Variants in JDP2 observed in about 807,000 individuals in gnomAD.
The protein encoded by JDP2 is Jun dimerization protein 2.
JDP2 carries 9 observed loss-of-function variants against 17.1 expected under a neutral mutation model. The observed-to-expected ratio is 0.53, with a 90% CI of 0.32 to 0.92. JDP2 has a LOEUF of 0.92. Ranked by LOEUF, JDP2 falls within the 40% of genes least tolerant of loss-of-function variation. The pLI is 0.04. For synonymous variants in JDP2, 107 were observed against 95.6 expected (o/e 1.12, Z -0.69); for missense variants, 179 against 220.0 (o/e 0.81, Z 1.18).
At chr14:75,447,103 A>G (rs1457419666) in intron 2 of JDP2, among the ~76,000 whole-genome samples, 2 of 152,200 alleles carry the variant, frequency 1.3e-5, no homozygotes, top group Admixed American at 1.3e-4. Flanking sequence ...AACTCTGACT[A>G]CTGATTAGAA....
intron 2 of JDP2, among the ~76,000 whole-genome samples, chr14:75,442,764 A>G (rs1397104613): frequency 6.6e-6 from 1 of 152,158 alleles, no homozygotes; most frequent in Admixed American, 6.5e-5. Context: ...ATGGAATCAG[A>G]ATATCTGAGG....
rs748407763 is a variant in JDP2 at position 75,469,455 on chromosome 14, G to A, written c.472G>A (p.Glu158Lys). The part of the protein sequence containing the change: ...TPESEGNPLL[E>K]QLEKK Reference sequence around the variant, plus strand: ...CGAGTCAGAAGGCAACCCACTGCTCGAGCAGCTCGAGAAGAAGTGACCATG... The same window carrying A: ...CGAGTCAGAAGGCAACCCACTGCTCAAGCAGCTCGAGAAGAAGTGACCATG... Residue 158 changes from glutamate to lysine, a missense_variant, in exon 4 of 4, where the codon GAG becomes AAG. Physicochemically the swap from Glu to Lys is moderately conservative, Grantham distance 56. Coordinates refer to ENST00000651602, the MANE Select transcript of JDP2 (RefSeq NM_001135048.2). The A allele has an allele frequency of 2.0e-5, 32 of 1,613,546 alleles. No individual in the cohort carries two copies. The East Asian group carries it at 3.8e-4, about 19-fold the overall frequency.
Position 75,428,442 on chromosome 14 carries a change from C to T in JDP2, c.-24+190C>T, listed in dbSNP as rs1884637903. 6.6e-6 allele frequency: 1 copy of T among 151,940 alleles called. No individual in the cohort carries two copies. Among genetic ancestry groups the T allele is most frequent in the Non-Finnish European group, 1.5e-5 (1 of 67,928 alleles). 9.4% of individuals were successfully genotyped at this position (151,940 alleles called of 1,614,324 possible). A position where few individuals can be genotyped will look rare whatever the true frequency, so the allele number is the denominator to read the frequency against. ...CCGGGCGCTGCAGCCGGGCCCCTCCCGCGAGGCGCCCGGCAGCCTGAGGCT... is the reference window on the plus strand; with the variant it reads ...CCGGGCGCTGCAGCCGGGCCCCTCCTGCGAGGCGCCCGGCAGCCTGAGGCT... On this transcript the variant is annotated intron_variant, in intron 1 of 3. Coordinates refer to ENST00000651602, the MANE Select transcript of JDP2 (RefSeq NM_001135048.2). The surrounding 1 kb of genome is among the most constrained non-coding windows in gnomAD (Gnocchi z 5.6).
chr14:75,459,771 C>T (rs1467025078), intron 2 of JDP2, among the ~76,000 whole-genome samples: 1 of 152,208 alleles, frequency 6.6e-6, no homozygotes, highest in African/African-American at 2.4e-5. Flanking sequence ...CCCAGCCCAG[C>T]TGGTCCTGGG....
chr14:75,431,167 G>C (rs1884779098), intron 1 of JDP2, among the ~76,000 whole-genome samples: 1 of 152,240 alleles, frequency 6.6e-6, no homozygotes, highest in Non-Finnish European at 1.5e-5. Flanking sequence ...TAGAAAGCTT[G>C]TCCAATGGTT....
intron 1 of JDP2, among the ~76,000 whole-genome samples, chr14:75,437,354 T>C (rs1885116294): frequency 6.6e-6 from 1 of 152,132 alleles, no homozygotes; most frequent in South Asian, 2.1e-4. Flanking sequence ...ATATGCAGAA[T>C]AGGATGTGTG....
chr14:75,453,901 T>C (rs1313943652), intron 2 of JDP2, among the ~76,000 whole-genome samples: 4 of 152,236 alleles, frequency 2.6e-5, no homozygotes, highest in Non-Finnish European at 5.9e-5. Flanking sequence ...TTTTCTTTTG[T>C]GTCCATTTTT....
At chr14:75,443,795 T>G (rs757086894) in intron 2 of JDP2, among the ~76,000 whole-genome samples, 42 of 152,216 alleles carry the variant, frequency 2.8e-4, no homozygotes, top group Non-Finnish European at 3.5e-4. Flanking sequence ...TCTATGTCCT[T>G]AGCAGAAATC....
At chr14:75,452,710 T>G (rs1282502607) in intron 2 of JDP2, among the ~76,000 whole-genome samples, 1 of 152,210 alleles carries the variant, frequency 6.6e-6, no homozygotes, top group Non-Finnish European at 1.5e-5. Flanking sequence ...CCACTGGGGC[T>G]AGTGTCCCCT....
intron 2 of JDP2, among the ~76,000 whole-genome samples, chr14:75,442,182 T>C (rs1885386523): frequency 6.6e-6 from 1 of 152,210 alleles, no homozygotes; most frequent in Non-Finnish European, 1.5e-5. Context: ...TTTTTCTTTC[T>C]TTTTTAACAA....
Position 75,469,391 on chromosome 14 carries a change from C to A in JDP2, c.408C>A (p.Arg136=), listed in dbSNP as rs774641952. The change falls in exon 4 of 4, where the codon CGC becomes CGA. Residue 136 remains arginine, a synonymous_variant. Transcript: ENST00000651602. ...QQLILMLNRH[R]PTCIVRTDSV... is the part of the protein sequence containing the mutation. ...TCATCCTGATGCTGAACCGACACCG[C>A]CCCACCTGCATCGTCCGGACCGACA... 6.2e-7 allele frequency: 1 copy of A among 1,614,144 alleles called. No individual in the cohort carries two copies. Among genetic ancestry groups the A allele is most frequent in the Non-Finnish European group, 8.5e-7 (1 of 1,180,022 alleles).
chr14:75,449,714 C>T (rs1192906802), intron 2 of JDP2, among the ~76,000 whole-genome samples: 1 of 152,170 alleles, frequency 6.6e-6, no homozygotes, highest in Non-Finnish European at 1.5e-5. Flanking sequence ...GACATCCTTC[C>T]CCAAATAGCT....
intron 2 of JDP2, among the ~76,000 whole-genome samples, chr14:75,449,465 C>T (rs1479331409): frequency 1.3e-5 from 2 of 152,216 alleles, no homozygotes; most frequent in African/African-American, 4.8e-5. Context: ...GAGTCAGTTT[C>T]AGCTGTATTA....
At position 75,428,125 on chromosome 14, in the gene JDP2, C is replaced by CCGGGCCGGGA. The variant is rs1349888040; in HGVS notation, c.-149_-140dup. The CCGGGCCGGGA allele has an allele frequency of 4.1e-5, 6 of 146,448 alleles. No homozygotes were observed. The highest frequency in any genetic ancestry group is 7.6e-5 in the Non-Finnish European group (5 of 65,732). The allele number at this position is 146,448 out of a possible 1,614,324, so 9.1% of individuals were successfully genotyped here. A position where few individuals can be genotyped will look rare whatever the true frequency, so the allele number is the denominator to read the frequency against. On this transcript the variant is annotated 5_prime_UTR_variant, in exon 1 of 4. Transcript: ENST00000651602. This position sits in a 1 kb window ranked among gnomAD's most constrained non-coding sequence, Gnocchi z 5.6. ...GGCGGGGCTGGCGCCGCGGCGGCTC[C>CCGGGCCGGGA]CGGGCCGGGACAGGCCTGGGCACCG...
chr14:75,461,611 T>C (rs1886352252), intron 3 of JDP2, 81 bp downstream of exon 3: 5 of 1,103,894 alleles, frequency 4.5e-6, no homozygotes, highest in Non-Finnish European at 5.4e-6. Context: ...GGCCATCAGA[T>C]GTCTCTGTAG....
chr14:75,438,250 T>A, intron 2 of JDP2, 129 bp downstream of exon 2: 2 of 684,620 alleles, frequency 2.9e-6, no homozygotes, highest in South Asian at 4.7e-5. Context: ...TTATCAGAAA[T>A]GTGGAATCCC....
rs973455501 is a variant in JDP2, at chr14:75,428,659, G to C, written c.-24+407G>C. ...GATGGGCTGTGCGGGTGGAGGTGGA[G>C]GGTGAAGGGCCAGGGAGGTGCGGGG... On this transcript the variant is annotated intron_variant, in intron 1 of 3. Transcript: ENST00000651602. The surrounding 1 kb of genome is among the most constrained non-coding windows in gnomAD (Gnocchi z 5.6). 6.6e-6 allele frequency: 1 copy of C among 152,358 alleles called. No individual in the cohort carries two copies. Among genetic ancestry groups the C allele is most frequent in the Non-Finnish European group, 1.5e-5 (1 of 68,172 alleles). 9.4% of individuals were successfully genotyped at this position (152,358 alleles called of 1,614,324 possible).
intron 2 of JDP2, among the ~76,000 whole-genome samples, chr14:75,451,709 T>C (rs1490111847): frequency 6.6e-6 from 1 of 151,974 alleles, no homozygotes; most frequent in Non-Finnish European, 1.5e-5. Flanking sequence ...CATGGAAAAT[T>C]CAGGAAAGAG....
intron 2 of JDP2, among the ~76,000 whole-genome samples, chr14:75,447,347 A>G (rs895978273): frequency 1.3e-5 from 2 of 152,296 alleles, no homozygotes; most frequent in East Asian, 1.9e-4. Flanking sequence ...TGTTCCAACA[A>G]CCCTATGAGG....
Sources: allele counts gnomAD v4.1 joint callset (sites outside exome capture counted in the v4.1 genomes callset), GRCh38; gene constraint gnomAD v4.1.1; non-coding constraint Gnocchi (gnomAD v3.1); transcripts MANE v1.5; gene names NCBI Gene and HGNC (gene_info 2026-07-23, HGNC 2026-07-21).